The following WIPF1 variants were observed in gnomAD, a reference collection of about 807,000 sequenced individuals.
WIPF1 encodes WAS/WASL-interacting protein family member 1.
Under a neutral mutation model 35.4 loss-of-function variants are expected in WIPF1, and 13 were observed. The observed-to-expected ratio is 0.37, with a 90% confidence interval of 0.24 to 0.58. WIPF1 has a LOEUF of 0.58. WIPF1 is among the 20% of genes least tolerant of loss of function. WIPF1 has a pLI of 0.74. For missense variants in WIPF1, 591 were observed against 667.0 expected, an observed-to-expected ratio of 0.89 and a Z score of 1.25; for synonymous variants, 267 against 266.3, an observed-to-expected ratio of 1.00 and a Z score of -0.02.
At chr2:174,635,525 GTTTGTTTTTTT>G (rs1470478474) in intron 1 of WIPF1, among the ~76,000 whole-genome samples, 1 of 126,180 alleles carries the variant, frequency 7.9e-6, no homozygotes, top group Non-Finnish European at 1.6e-5. Context: ...GGTGCCTTCT[GTTTGTTTTTTT>G]TTTTTTTTTT....
In WIPF1 at chr2:174,559,891, G is replaced by A. The variant is rs1684440522; in HGVS notation, c.*2656C>T. Reference sequence around the variant, plus strand: ...AAATATGCAAATAATCTACTACTTAGACATAAAAAAAAGTTGATTTCTTTT... The same window carrying A: ...AAATATGCAAATAATCTACTACTTAAACATAAAAAAAAGTTGATTTCTTTT... On this transcript the variant is annotated 3_prime_UTR_variant, in exon 8 of 8. Coordinates refer to ENST00000679041, the MANE Select transcript of WIPF1 (RefSeq NM_001375834.1). 6.6e-6 allele frequency: 1 copy of A among 152,314 alleles called. No homozygotes were observed. The highest frequency in any genetic ancestry group is 6.6e-5 in the Admixed American group (1 of 15,258). The allele number at this position is 152,314 out of a possible 1,614,324, so 9.4% of individuals were successfully genotyped here. A position where few individuals can be genotyped will look rare whatever the true frequency, so the allele number is the denominator to read the frequency against.
chr2:174,603,107 G>C (rs966913146), intron 1 of WIPF1, among the ~76,000 whole-genome samples: 1 of 152,132 alleles, frequency 6.6e-6, no homozygotes, highest in Non-Finnish European at 1.5e-5. Context: ...GAGGATGTAG[G>C]GGATGGGCCT....
chr2:174,654,096 T>C (rs1053277840), intron 1 of WIPF1, among the ~76,000 whole-genome samples: 4 of 152,266 alleles, frequency 2.6e-5, no homozygotes, highest in African/African-American at 9.6e-5. Context: ...ACATCAAACA[T>C]ATGACAGAGG....
At chr2:174,664,642 T>C (rs1183133272) in intron 1 of WIPF1, among the ~76,000 whole-genome samples, 4 of 152,248 alleles carry the variant, frequency 2.6e-5, no homozygotes, top group South Asian at 2.1e-4. Context: ...TTCTTGTCTC[T>C]AGGCCAAGAG....
In WIPF1 at chr2:174,574,701, AC is replaced by A. The variant is rs1684987909; in HGVS notation, c.358+502del. 6.6e-6 allele frequency: 4 copies of A among 607,248 alleles called. No homozygotes were observed. The African/African-American group carries it at 7.4e-5, about 11-fold the overall frequency. The allele number at this position is 607,248 out of a possible 1,614,324, so 37.6% of individuals were successfully genotyped here. A position where few individuals can be genotyped will look rare whatever the true frequency, so the allele number is the denominator to read the frequency against. On this transcript the variant is annotated intron_variant, in intron 4 of 7. Transcript: ENST00000679041. ...TGGCTCCCTGCAGAGACTCCTGAGAACCACTGGCACTGAAATACCAAATATC... is the reference window on the plus strand; with the variant it reads ...TGGCTCCCTGCAGAGACTCCTGAGAACACTGGCACTGAAATACCAAATATC...
intron 1 of WIPF1, among the ~76,000 whole-genome samples, chr2:174,620,051 A>C (rs1686627848): frequency 1.3e-5 from 2 of 152,250 alleles, no homozygotes; most frequent in Non-Finnish European, 2.9e-5. Flanking sequence ...GGGTCAGAAT[A>C]ATGCATACAT....
intron 1 of WIPF1, among the ~76,000 whole-genome samples, chr2:174,657,382 T>C (rs1466184901): frequency 6.6e-6 from 1 of 152,214 alleles, no homozygotes; most frequent in African/African-American, 2.4e-5. Flanking sequence ...ATAAATTTTA[T>C]GTGATAGATA....
intron 1 of WIPF1, among the ~76,000 whole-genome samples, chr2:174,594,836 A>G (rs553482725): frequency 1.4e-5 from 1 of 72,926 alleles, no homozygotes; most frequent in African/African-American, 4.2e-5. Context: ...AGAAGTGAAA[A>G]GACTTAAAAA....
intron 1 of WIPF1, among the ~76,000 whole-genome samples, chr2:174,641,913 G>A (rs1243135566): frequency 3.3e-5 from 5 of 152,044 alleles, no homozygotes; most frequent in East Asian, 1.9e-4. Flanking sequence ...TAAGATTTAC[G>A]TGGTTAACTA....
At chr2:174,591,869 G>C (rs1212141693) in intron 1 of WIPF1, among the ~76,000 whole-genome samples, 1 of 152,092 alleles carries the variant, frequency 6.6e-6, no homozygotes, top group Non-Finnish European at 1.5e-5. Flanking sequence ...TTGCAGCCTC[G>C]ACTCACTTGT....
chr2:174,676,301 TTCCTCCCTCCCTTC>T (rs1574874478), intron 1 of WIPF1: 1 of 120,088 alleles, frequency 8.3e-6, no homozygotes, highest in South Asian at 3.1e-4. Flanking sequence ...CCTTCCTTCC[TTCCTCCCTCCCTTC>T]TTTTTTTTTT....
intron 1 of WIPF1, among the ~76,000 whole-genome samples, chr2:174,637,009 T>C (rs1687198917): frequency 6.6e-6 from 1 of 152,232 alleles, no homozygotes; most frequent in South Asian, 2.1e-4. Flanking sequence ...GGGTAGAGTG[T>C]CTATATAAAT....
At chr2:174,652,068 G>C (rs374543377) in intron 1 of WIPF1, among the ~76,000 whole-genome samples, 1 of 152,216 alleles carries the variant, frequency 6.6e-6, no homozygotes, top group Non-Finnish European at 1.5e-5. Context: ...GTCTCGAAAT[G>C]CAAGTGTTTC....
intron 5 of WIPF1, among the ~76,000 whole-genome samples, chr2:174,570,990 G>T (rs749008713): frequency 1.2e-4 from 19 of 152,236 alleles, no homozygotes; most frequent in Middle Eastern, 3.4e-3. Flanking sequence ...TCAGATCAAG[G>T]TTTCTCAACT....
chr2:174,639,812 T>C (rs528502083), intron 1 of WIPF1, among the ~76,000 whole-genome samples: 1 of 152,338 alleles, frequency 6.6e-6, no homozygotes, highest in Non-Finnish European at 1.5e-5. Context: ...ATTTTCCCTA[T>C]GTTTTGTCTA....
At chr2:174,609,100 T>C (rs754294338) in intron 1 of WIPF1, among the ~76,000 whole-genome samples, 1 of 152,088 alleles carries the variant, frequency 6.6e-6, no homozygotes, top group East Asian at 1.9e-4. Context: ...GGACAGTAAA[T>C]GGTGGGCATT....
In WIPF1 at chr2:174,635,529, G is replaced by GT. The variant is rs1197924942; in HGVS notation, c.-39+47244dup. Among the ~76,000 whole-genome samples the GT allele has an allele frequency of 2.3e-3, 268 of 115,500 alleles. 2 individuals carry two copies. The highest frequency in any genetic ancestry group is 3.0e-3 in the African/African-American group (89 of 29,684). 75.8% of individuals were successfully genotyped at this position (115,500 alleles called of 152,430 possible). On this transcript the variant is annotated intron_variant, in intron 1 of 8. Coordinates refer to the WIPF1 transcript ENST00000272746. Reference sequence around the variant, plus strand: ...TTCTACTCACTGGTGCCTTCTGTTTGTTTTTTTTTTTTTTTTTTTTTTTTT... The same window carrying GT: ...TTCTACTCACTGGTGCCTTCTGTTTGTTTTTTTTTTTTTTTTTTTTTTTTTT...
intron 1 of WIPF1, among the ~76,000 whole-genome samples, chr2:174,610,521 C>T (rs1686308747): frequency 6.6e-6 from 1 of 152,068 alleles, no homozygotes; most frequent in Non-Finnish European, 1.5e-5. Context: ...TTTTGTAGGA[C>T]ACCCTCAGGA....
intron 3 of WIPF1, among the ~76,000 whole-genome samples, chr2:174,577,846 G>A (rs1300637725): frequency 6.6e-6 from 1 of 151,626 alleles, no homozygotes; most frequent in Non-Finnish European, 1.5e-5. Context: ...TTGAGCTTGG[G>A]AGGTCAAGGA....
Sources: allele counts gnomAD v4.1 joint callset (sites outside exome capture counted in the v4.1 genomes callset), GRCh38; gene constraint gnomAD v4.1.1; transcripts MANE v1.5; gene names NCBI Gene and HGNC (gene_info 2026-07-23, HGNC 2026-07-21).